Variants in XRCC5 observed in about 807,000 individuals in gnomAD.
The protein encoded by XRCC5 is X-ray repair cross complementing 5.
Under a neutral mutation model 95.7 loss-of-function variants are expected in XRCC5, and 12 were observed. The observed-to-expected ratio is 0.13, with a 90% CI of 0.08 to 0.20. The LOEUF (loss-of-function observed/expected upper bound fraction) is 0.20, where lower values mean the gene tolerates loss of function less well. Among genes scored for constraint, XRCC5 ranks in the 10% least tolerant of loss-of-function variants. The pLI is 1.00. For synonymous variants in XRCC5, 281 were observed against 290.3 expected (o/e 0.97, Z 0.33); for missense variants, 595 against 873.9 (o/e 0.68, Z 4.02).
rs144918887 is a variant in XRCC5 at position 216,117,108 on chromosome 2, T to C, written c.319+266T>C. On this transcript the variant is annotated intron_variant, in intron 3 of 20. Coordinates refer to ENST00000392132, the MANE Select transcript of XRCC5 (RefSeq NM_021141.4). ...GGAGGCATAGGAAGGGGGAAGATCCTAGGGAGTATATGTGAGCATTGACTA... is the reference window on the plus strand; with the variant it reads ...GGAGGCATAGGAAGGGGGAAGATCCCAGGGAGTATATGTGAGCATTGACTA... 4.2e-5 allele frequency: 20 copies of C among 477,266 alleles called. No homozygotes were observed. The East Asian group carries it at 6.6e-4, about 16-fold the overall frequency. The allele number at this position is 477,266 out of a possible 1,614,324, so 29.6% of individuals were successfully genotyped here.
intron 18 of XRCC5, among the ~76,000 whole-genome samples, chr2:216,193,849 A>G (rs1689664902): frequency 6.6e-6 from 1 of 152,224 alleles, no homozygotes; most frequent in African/African-American, 2.4e-5. Context: ...TGAACAGTTT[A>G]TCAGGTATCA....
At chr2:216,135,417 A>G (rs758651604) in intron 10 of XRCC5, among the ~76,000 whole-genome samples, 1 of 152,178 alleles carries the variant, frequency 6.6e-6, no homozygotes, top group Non-Finnish European at 1.5e-5. Flanking sequence ...GAATAGAGGA[A>G]CGACTGGAAG....
chr2:216,111,286 C>A (rs989440484), intron 1 of XRCC5: 2 of 360,998 alleles, frequency 5.5e-6, no homozygotes, highest in Non-Finnish European at 1.1e-5. Context: ...CTTTGGGAGG[C>A]GGAGGTGGGA....
At chr2:216,182,595 A>G (rs534529259) in intron 16 of XRCC5, among the ~76,000 whole-genome samples, 1 of 152,296 alleles carries the variant, frequency 6.6e-6, no homozygotes, top group East Asian at 1.9e-4. Flanking sequence ...ACCCCCCACC[A>G]CAACACATTC....
chr2:216,177,184 T>C (rs1689293185), intron 16 of XRCC5, among the ~76,000 whole-genome samples: 3 of 152,226 alleles, frequency 2.0e-5, no homozygotes, highest in Admixed American at 2.0e-4. Flanking sequence ...CTAGGACAAG[T>C]GTGCTGGAAA....
In XRCC5 at chr2:216,180,675, A is replaced by G. The variant is rs536392400; in HGVS notation, c.1835-9550A>G. Among the ~76,000 whole-genome samples, 97 of 152,292 alleles carry G rather than the reference A, an allele frequency of 6.4e-4. 1 individual carries two copies. The highest frequency in any genetic ancestry group is 2.2e-3 in the African/African-American group (92 of 41,570). On this transcript the variant is annotated intron_variant, in intron 16 of 20. Transcript: ENST00000392132. ...GGCATAACCTGGTCCATTATGGTAA[A>G]GGTGGATAGGAGAGGGCCCAAAGAA...
intron 14 of XRCC5, among the ~76,000 whole-genome samples, chr2:216,149,753 G>C (rs1264186236): frequency 3.9e-5 from 6 of 152,162 alleles, no homozygotes; most frequent in African/African-American, 1.2e-4. Context: ...GAAGGATGCA[G>C]TTCTGTCGTT....
chr2:216,168,663 G>A (rs1453721753), intron 16 of XRCC5, among the ~76,000 whole-genome samples: 2 of 152,146 alleles, frequency 1.3e-5, no homozygotes, highest in Non-Finnish European at 2.9e-5. Flanking sequence ...GCATAAAAAT[G>A]AAAGCATGTT....
chr2:216,127,173 G>A lies in XRCC5; in HGVS notation c.799-363G>A, dbSNP rs187737203. Reference sequence around the variant, plus strand: ...GAGTATCACTTAATCCCGGGAGGCGGAGGTTGCAGTGAGCCAGGATTGCAC... The same window carrying A: ...GAGTATCACTTAATCCCGGGAGGCGAAGGTTGCAGTGAGCCAGGATTGCAC... On this transcript the variant is annotated intron_variant, in intron 7 of 20. Coordinates refer to ENST00000392132, the MANE Select transcript of XRCC5 (RefSeq NM_021141.4). 7.0e-4 allele frequency among the ~76,000 whole-genome samples: 107 copies of A among 152,298 alleles called. 1 individual carries two copies. Among genetic ancestry groups the A allele is most frequent in the African/African-American group, 2.4e-3 (98 of 41,558 alleles).
At chr2:216,136,843 T>C (rs1276967572) in intron 10 of XRCC5, among the ~76,000 whole-genome samples, 1 of 152,088 alleles carries the variant, frequency 6.6e-6, no homozygotes, top group Non-Finnish European at 1.5e-5. Context: ...ATTTTTAGGG[T>C]AAAGATAAAA....
At chr2:216,110,180 G>T (rs969892420) in intron 1 of XRCC5, among the ~76,000 whole-genome samples, 6 of 152,146 alleles carry the variant, frequency 3.9e-5, no homozygotes, top group Admixed American at 3.9e-4. Flanking sequence ...GAACCCCTGT[G>T]TTGCTAGAAA....
chr2:216,115,521 A>G (rs927876553), intron 2 of XRCC5, among the ~76,000 whole-genome samples: 3 of 141,264 alleles, frequency 2.1e-5, no homozygotes, highest in African/African-American at 4.9e-5. Context: ...CCGTTAGTCC[A>G]TGTACAACTG....
chr2:216,204,049 C>T (rs1689895074), intron 19 of XRCC5: 1 of 444,784 alleles, frequency 2.2e-6, no homozygotes, highest in East Asian at 4.4e-5. Context: ...GGACACTACA[C>T]ACTGTCTCGA....
At chr2:216,154,400 A>T (rs1456780775) in intron 14 of XRCC5, among the ~76,000 whole-genome samples, 1 of 152,280 alleles carries the variant, frequency 6.6e-6, no homozygotes, top group Non-Finnish European at 1.5e-5. Context: ...AATGTGTGTA[A>T]CATAGTGACT....
chr2:216,164,791 C>T (rs1261057550), intron 16 of XRCC5, among the ~76,000 whole-genome samples: 1 of 152,062 alleles, frequency 6.6e-6, no homozygotes, highest in Non-Finnish European at 1.5e-5. Context: ...TCTGGAAATG[C>T]CAGGTTTAAG....
At chr2:216,153,169 A>G (rs564966159) in intron 14 of XRCC5, among the ~76,000 whole-genome samples, 2 of 152,226 alleles carry the variant, frequency 1.3e-5, no homozygotes, top group Non-Finnish European at 2.9e-5. Flanking sequence ...TCATCTTTCA[A>G]AAGACACTAA....
intron 19 of XRCC5, among the ~76,000 whole-genome samples, chr2:216,199,017 C>G (rs545479301): frequency 7.2e-5 from 11 of 152,348 alleles, no homozygotes; most frequent in African/African-American, 2.4e-4. Flanking sequence ...AGCTATTTCT[C>G]TTAGCCAAGT....
intron 16 of XRCC5, among the ~76,000 whole-genome samples, chr2:216,183,986 T>C (rs748133512): frequency 6.6e-6 from 1 of 151,568 alleles, no homozygotes. Flanking sequence ...CCGAACTCTT[T>C]TAGAAGTGGA....
intron 2 of XRCC5, 115 bp downstream of exon 2, chr2:216,113,244 A>G: frequency 1.2e-6 from 1 of 808,258 alleles, no homozygotes; most frequent in South Asian, 1.8e-5. Flanking sequence ...GTTTGGGGGG[A>G]TTCTGGGGAG....
Sources: allele counts gnomAD v4.1 joint callset (sites outside exome capture counted in the v4.1 genomes callset), GRCh38; gene constraint gnomAD v4.1.1; transcripts MANE v1.5; gene names NCBI Gene and HGNC (gene_info 2026-07-23, HGNC 2026-07-21).